The following ATAD5 variants were observed in gnomAD, a reference collection of about 807,000 sequenced individuals.
ATAD5 encodes ATPase family AAA domain containing 5.
In ATAD5, 58 loss-of-function variants were observed where a neutral mutation model predicts 176.9. That is an observed-to-expected ratio of 0.33 (90% CI 0.27 to 0.41). The LOEUF (loss-of-function observed/expected upper bound fraction) is 0.41, where lower values mean the gene tolerates loss of function less well. ATAD5 is among the 10% of genes least tolerant of loss of function. The pLI is 1.00. For missense variants in ATAD5, 1,789 were observed against 2,094.1 expected (o/e 0.85, Z 2.84); for synonymous variants, 640 against 712.6 (o/e 0.90, Z 1.62).
At chr17:30,881,473 T>C (rs1003101836) in intron 18 of ATAD5, among the ~76,000 whole-genome samples, 4 of 152,226 alleles carry the variant, frequency 2.6e-5, no homozygotes, top group African/African-American at 7.2e-5. Context: ...CTTATTTTTT[T>C]TGTATTTTTA....
chr17:30,893,836 A>G lies in ATAD5; in HGVS notation c.4983A>G (p.Ala1661=). 1 of 1,613,974 alleles carries G rather than the reference A, an allele frequency of 6.2e-7. No homozygotes were observed. The highest frequency in any genetic ancestry group is 8.5e-7 in the Non-Finnish European group (1 of 1,179,888). ...EFMDNMSFLD[A]LLTDVREQNK... ...TGGATAACATGTCCTTCTTAGATGC[A>G]CTTTTAACTGATGTAAGGGAACAAA... The change falls in exon 21 of 23, where the codon GCA becomes GCG. Residue 1661 remains alanine (A), a synonymous_variant. Coordinates refer to ENST00000321990, the MANE Select transcript of ATAD5 (RefSeq NM_024857.5).
chr17:30,893,214 T>C, intron 20 of ATAD5, 80 bp from the exon 21 acceptor site: 1 of 1,414,676 alleles, frequency 7.1e-7, no homozygotes, highest in Non-Finnish European at 9.4e-7. Context: ...AGAATAGGGA[T>C]AACACTATAT....
chr17:30,882,256 G>GAA (rs551929459), intron 18 of ATAD5, among the ~76,000 whole-genome samples: 10 of 142,070 alleles, frequency 7.0e-5, no homozygotes, highest in South Asian at 2.2e-4. Flanking sequence ...AACTCCATCT[G>GAA]AAAAAAAAAA....
chr17:30,840,846 G>A lies in ATAD5; in HGVS notation c.2241+65G>A, dbSNP rs909063194. ...ATTTTGCTGTTTGGAGTGGGAGAAG[G>A]AAACCATTATAAAGTTATAAGGTAG... On this transcript the variant is annotated intron_variant, in intron 4 of 22. Coordinates refer to ENST00000321990, the MANE Select transcript of ATAD5 (RefSeq NM_024857.5). 8 of 1,455,024 alleles carry A rather than the reference G, an allele frequency of 5.5e-6. No individual in the cohort carries two copies. In the African/African-American group the frequency reaches 1.2e-4, roughly 21 times the overall value. The allele number at this position is 1,455,024 out of a possible 1,614,324, so 90.1% of individuals were successfully genotyped here.
chr17:30,854,121 A>AG (rs1340091294), intron 6 of ATAD5, among the ~76,000 whole-genome samples: 4 of 149,952 alleles, frequency 2.7e-5, no homozygotes, highest in African/African-American at 9.7e-5. Context: ...CTAATATTTT[A>AG]GGTAATTTTA....
chr17:30,858,186 C>T lies in ATAD5; in HGVS notation c.2819C>T (p.Thr940Ile). Residue 940 changes from threonine to isoleucine, a missense_variant, in exon 9 of 23, where the codon ACT becomes ATT. Coordinates refer to ENST00000321990, the MANE Select transcript of ATAD5 (RefSeq NM_024857.5). ...AVFMRTRKEF[T>I]EEVRNLLLEE... ...TTCATGAGGACAAGGAAGGAATTTA[C>T]TGAAGAAGTAAGAAATCTTTTGCTT... is the stretch of plus-strand genomic sequence containing the variant. 6.4e-7 allele frequency: 1 copy of T among 1,574,748 alleles called. No individual in the cohort carries two copies. Among genetic ancestry groups the T allele is most frequent in the South Asian group, 1.2e-5 (1 of 83,426 alleles).
intron 18 of ATAD5, among the ~76,000 whole-genome samples, chr17:30,884,003 T>C (rs1433994136): frequency 6.6e-6 from 1 of 152,226 alleles, no homozygotes; most frequent in Non-Finnish European, 1.5e-5. Flanking sequence ...GTTAAGTATA[T>C]TCACATTGCT....
At chr17:30,857,220 TA>T in intron 8 of ATAD5, 108 bp downstream of exon 8, 13 of 1,275,042 alleles carry the variant, frequency 1.0e-5, no homozygotes, top group South Asian at 6.2e-5. Flanking sequence ...TCCTAGAGTT[TA>T]ATTTTTTTTT....
At chr17:30,853,970 C>T (rs960912545) in intron 6 of ATAD5, among the ~76,000 whole-genome samples, 6 of 151,508 alleles carry the variant, frequency 4.0e-5, no homozygotes, top group Non-Finnish European at 5.9e-5. Flanking sequence ...AAAAAACTCA[C>T]CTACCACCCA....
chr17:30,868,312 T>C, intron 11 of ATAD5, 21 bp from the exon 12 acceptor site: 1 of 1,543,038 alleles, frequency 6.5e-7, no homozygotes, highest in East Asian at 2.3e-5. Flanking sequence ...GAATTATTTT[T>C]ATTATGTTTT....
intron 18 of ATAD5, among the ~76,000 whole-genome samples, chr17:30,884,351 C>T (rs1313030843): frequency 6.6e-6 from 1 of 151,250 alleles, no homozygotes; most frequent in Non-Finnish European, 1.5e-5. Flanking sequence ...AGCATAACAT[C>T]CTCAAGGTTC....
At chr17:30,854,359 ATTAAT>A (rs201292584) in intron 6 of ATAD5, among the ~76,000 whole-genome samples, 52 of 133,492 alleles carry the variant, frequency 3.9e-4, no homozygotes, top group African/African-American at 1.1e-3. Context: ...ATTTTATTAA[ATTAAT>A]TTAAATTTTT....
In ATAD5 at chr17:30,876,469, A is replaced by G. The variant is rs1199821610; in HGVS notation, c.3703A>G (p.Lys1235Glu). Residue 1235 changes from lysine (K) to glutamate (E), a missense_variant, in exon 15 of 23, where the codon AAA (lysine) becomes GAA (glutamate). Physicochemically the swap from Lys to Glu is moderately conservative, Grantham distance 56. Transcript: ENST00000321990. Reference protein sequence around the residue: ...SSGPKRALPPKTLANYFKVSP... With the variant: ...SSGPKRALPPETLANYFKVSP... ...TGGACCAAAGCGAGCACTTCCTCCC[A>G]AAACCTTGGCAAATTATTTTAAAGT... The G allele has an allele frequency of 5.0e-6, 8 of 1,609,092 alleles. No homozygotes were observed. Among genetic ancestry groups the G allele is most frequent in the Admixed American group, 3.3e-5 (2 of 59,784 alleles).
intron 1 of ATAD5, among the ~76,000 whole-genome samples, chr17:30,832,696 G>T (rs1013982720): frequency 6.6e-6 from 1 of 152,230 alleles, no homozygotes; most frequent in East Asian, 1.9e-4. Context: ...TTGGTGGAAC[G>T]TGATGTTTTG....
chr17:30,894,215 T>A, intron 21 of ATAD5, 65 bp downstream of exon 21: 1 of 1,310,104 alleles, frequency 7.6e-7, no homozygotes, highest in Non-Finnish European at 1.0e-6. Context: ...ATCAATAGAG[T>A]TTTTTCTTAA....
At chr17:30,864,293 A>G (rs1223456328) in intron 10 of ATAD5, 1 of 152,246 alleles carries the variant, frequency 6.6e-6, no homozygotes, top group Admixed American at 6.6e-5. Flanking sequence ...TAGCCACTGC[A>G]GTCCAGCCTG....
chr17:30,849,924 G>A (rs979241483), intron 6 of ATAD5, among the ~76,000 whole-genome samples: 15 of 152,088 alleles, frequency 9.9e-5, no homozygotes, highest in African/African-American at 3.6e-4. Flanking sequence ...TGTTGTATTG[G>A]TATAAGAACA....
At chr17:30,846,599 C>CA in intron 6 of ATAD5, among the ~76,000 whole-genome samples, 1 of 151,932 alleles carries the variant, frequency 6.6e-6, no homozygotes, top group East Asian at 1.9e-4. Context: ...GATGGGGTTT[C>CA]ACCATGTTGG....
At chr17:30,871,597 C>G (rs930502857) in intron 14 of ATAD5, among the ~76,000 whole-genome samples, 1 of 151,916 alleles carries the variant, frequency 6.6e-6, no homozygotes, top group East Asian at 1.9e-4. Flanking sequence ...TGATCCACCC[C>G]CCATGGCCTC....
Sources: allele counts gnomAD v4.1 joint callset (sites outside exome capture counted in the v4.1 genomes callset), GRCh38; gene constraint gnomAD v4.1.1; transcripts MANE v1.5; gene names NCBI Gene and HGNC (gene_info 2026-07-23, HGNC 2026-07-21).